The following CROCC2 variants were observed in gnomAD, a reference collection of about 807,000 sequenced individuals.
CROCC2 encodes ciliary rootlet coiled-coil protein 2.
A neutral mutation model predicts 177.6 loss-of-function variants in CROCC2; 163 were observed. The ratio of observed to expected loss-of-function variants is 0.92; its 90% CI spans 0.81 to 1.05. The LOEUF (loss-of-function observed/expected upper bound fraction) is 1.05, where lower values mean the gene tolerates loss of function less well. Ranked by LOEUF, CROCC2 falls within the 50% of genes least tolerant of loss-of-function variation. The pLI is 0.00. For synonymous variants in CROCC2, 904 were observed against 787.3 expected (o/e 1.15, Z -2.48); for missense variants, 1,929 against 1,797.8 (o/e 1.07, Z -1.32).
At chr2:240,941,924 C>T (rs2059497140) in intron 14 of CROCC2, among the ~76,000 whole-genome samples, 1 of 152,198 alleles carries the variant, frequency 6.6e-6, no homozygotes, top group African/African-American at 2.4e-5. Flanking sequence ...CTTGCAGCAT[C>T]ATTTGTGTCT....
At chr2:240,937,129 G>T (rs1025620049) in intron 14 of CROCC2, among the ~76,000 whole-genome samples, 1 of 152,252 alleles carries the variant, frequency 6.6e-6, no homozygotes, top group Admixed American at 6.5e-5. Context: ...GCAGCCAGCA[G>T]TGTAGAAGAG....
rs1334595698 is a variant in CROCC2, at chr2:240,906,352, A to G, written c.-162A>G. 3 of 396,726 alleles carry G rather than the reference A, an allele frequency of 7.6e-6. No homozygotes were observed. The highest frequency in any genetic ancestry group is 1.3e-5 in the Non-Finnish European group (3 of 225,328). 24.6% of individuals were successfully genotyped at this position (396,726 alleles called of 1,614,324 possible). A position where few individuals can be genotyped will look rare whatever the true frequency, so the allele number is the denominator to read the frequency against. ...CAGCTGGCCATACTGTCTTACCCAC[A>G]GGGCAAGAGCAACTGGGTGCCCAGG... On this transcript the variant is annotated 5_prime_UTR_variant, in exon 1 of 32. Coordinates refer to ENST00000690015, the MANE Select transcript of CROCC2 (RefSeq NM_001351305.2).
chr2:240,984,598 CCA>C (rs760104462), intron 28 of CROCC2, among the ~76,000 whole-genome samples: 1 of 24,550 alleles, frequency 4.1e-5, no homozygotes, highest in Non-Finnish European at 6.5e-5. Flanking sequence ...GGCACTCACT[CCA>C]CACACACCCA....
rs568734799 is a variant in CROCC2 at position 240,935,006 on chromosome 2, G to A, written c.1882G>A (p.Ala628Thr). ...EQRDSLAAMA[A>T]LMEGLAQDKS... ...AAGGGACTCCCTGGCCGCAATGGCC[G>A]CCTTGATGGAGGGGTTGGCTCAGGA... Residue 628 changes from alanine (A) to threonine (T), a missense_variant, in exon 13 of 32, where the codon GCC becomes ACC. Ala to Thr is a moderately conservative substitution (Grantham distance 58). Transcript: ENST00000690015. 235 of 1,438,088 alleles carry A rather than the reference G, an allele frequency of 1.6e-4. No homozygotes were observed. The highest frequency in any genetic ancestry group is 7.4e-4 in the Middle Eastern group (4 of 5,432). 89.1% of individuals were successfully genotyped at this position (1,438,088 alleles called of 1,614,324 possible).
At chr2:240,961,359 T>G (rs2059632073) in intron 20 of CROCC2, among the ~76,000 whole-genome samples, 1 of 148,740 alleles carries the variant, frequency 6.7e-6, no homozygotes, top group Admixed American at 6.6e-5. Context: ...ACACTCACGC[T>G]GGAATCACAT....
chr2:240,945,709 G>A (rs954064641), intron 14 of CROCC2, among the ~76,000 whole-genome samples: 1 of 152,004 alleles, frequency 6.6e-6, no homozygotes, highest in African/African-American at 2.4e-5. Context: ...GTGTTGGTCT[G>A]CAGCAATCTA....
chr2:240,993,265 T>G lies in CROCC2; in HGVS notation c.*184T>G, dbSNP rs1413224536. The G allele has an allele frequency of 1.8e-6, 1 of 543,470 alleles. No individual in the cohort carries two copies. 33.7% of individuals were successfully genotyped at this position (543,470 alleles called of 1,614,324 possible). A position where few individuals can be genotyped will look rare whatever the true frequency, so the allele number is the denominator to read the frequency against. On this transcript the variant is annotated 3_prime_UTR_variant, in exon 32 of 32. Transcript: ENST00000690015. ...TCATGGGGAACATTTGAAATGCATG[T>G]GGGGGCCTCCGAATTTTGAATTTTA... is the stretch of plus-strand genomic sequence containing the variant.
intron 18 of CROCC2, among the ~76,000 whole-genome samples, chr2:240,952,315 CAAA>C (rs71049540): frequency 2.6e-5 from 3 of 113,508 alleles, no homozygotes; most frequent in Non-Finnish European, 1.8e-5. Context: ...TACTCCTTCT[CAAA>C]AAAAAAAAAA....
intron 13 of CROCC2, 21 bp from the exon 14 acceptor site, chr2:240,935,337 G>T: frequency 7.4e-7 from 1 of 1,352,924 alleles, no homozygotes; most frequent in Non-Finnish European, 9.6e-7. Flanking sequence ...TGGATGCAGA[G>T]CCCCCGACAC....
chr2:240,974,436 G>A (rs902802965), intron 27 of CROCC2, among the ~76,000 whole-genome samples: 2 of 150,764 alleles, frequency 1.3e-5, no homozygotes, highest in African/African-American at 4.9e-5. Context: ...CTACCTCCTG[G>A]GCTCAAGCGA....
At chr2:240,930,475 A>G (rs2059421622) in intron 6 of CROCC2, among the ~76,000 whole-genome samples, 1 of 152,034 alleles carries the variant, frequency 6.6e-6, no homozygotes, top group African/African-American at 2.4e-5. Context: ...AGTAGGGGAG[A>G]AGGACAAACA....
chr2:240,914,691 G>A (rs1414990987), intron 1 of CROCC2, among the ~76,000 whole-genome samples: 1 of 152,190 alleles, frequency 6.6e-6, no homozygotes, highest in Non-Finnish European at 1.5e-5. Flanking sequence ...CAGGCTGACC[G>A]AGGAGCCTGC....
At position 240,933,314 on chromosome 2, in the gene CROCC2, T is replaced by C; in HGVS notation, c.1435T>C (p.Cys479Arg). 1 of 1,535,728 alleles carries C rather than the reference T, an allele frequency of 6.5e-7. No individual in the cohort carries two copies. Among genetic ancestry groups the C allele is most frequent in the Non-Finnish European group, 8.8e-7 (1 of 1,142,422 alleles). ...GGCCCAGAGGCTCGAGGTGCAGCAG[T>C]GCCGGGCATCCTGCAAGCTCCTGGG... ...LEAQRLEVQQ[C>R]RASCKLLGRE... The change falls in exon 10 of 32, where the codon TGC becomes CGC. Residue 479 changes from cysteine (C) to arginine (R), a missense_variant. Physicochemically the swap from Cys to Arg is radical, Grantham distance 180. Coordinates refer to ENST00000690015, the MANE Select transcript of CROCC2 (RefSeq NM_001351305.2).
At position 240,958,732 on chromosome 2, in the gene CROCC2, C is replaced by T. The variant is rs553250652; in HGVS notation, c.2944-569C>T. 6 of 321,946 alleles carry T rather than the reference C, an allele frequency of 1.9e-5. No homozygotes were observed. The highest frequency in any genetic ancestry group is 1.2e-4 in the South Asian group (1 of 8,322). 19.9% of individuals were successfully genotyped at this position (321,946 alleles called of 1,614,324 possible). On this transcript the variant is annotated intron_variant, in intron 19 of 31. Transcript: ENST00000690015. This position sits in a 1 kb window ranked among gnomAD's most constrained non-coding sequence, Gnocchi z 6.7. ...CCCTGAGCCCCATCTGCCCTGCTGC[C>T]GCAACCTGGGCAGGGGTGCAGTGGG...
chr2:240,909,690 C>T (rs1170298804), intron 1 of CROCC2, among the ~76,000 whole-genome samples: 1 of 152,230 alleles, frequency 6.6e-6, no homozygotes, highest in Non-Finnish European at 1.5e-5. Flanking sequence ...CCACTGTCCC[C>T]AGGAAACTCA....
Position 240,966,264 on chromosome 2 carries a change from C to T in CROCC2, c.4001C>T (p.Thr1334Ile). The change falls in exon 25 of 32, where the codon ACC becomes ATC. Residue 1334 changes from threonine to isoleucine, a missense_variant. Thr to Ile is a moderately conservative substitution (Grantham distance 89). Around this residue, in one of 3 missense-constraint regions of CROCC2, gnomAD observed 388 missense variants for 352.7 expected, o/e 1.10. Coordinates refer to ENST00000690015, the MANE Select transcript of CROCC2 (RefSeq NM_001351305.2). ...SSQALPGQQGTSPPARPHSPL... is the reference protein window; with the variant it reads ...SSQALPGQQGISPPARPHSPL... The stretch of plus-strand genomic sequence containing the variant: ...CAGGCTCTCCCTGGGCAACAGGGTA[C>T]CAGCCCCCCAGCCAGGCCCCACTCG... The T allele has an allele frequency of 1.8e-6, 1 of 569,694 alleles. No individual in the cohort carries two copies. Among genetic ancestry groups the T allele is most frequent in the Non-Finnish European group, 2.6e-6 (1 of 380,288 alleles). The allele number at this position is 569,694 out of a possible 1,614,324, so 35.3% of individuals were successfully genotyped here. A position where few individuals can be genotyped will look rare whatever the true frequency, so the allele number is the denominator to read the frequency against.
At position 240,932,828 on chromosome 2, in the gene CROCC2, C is replaced by G; in HGVS notation, c.1171C>G (p.His391Asp). 6.5e-7 allele frequency: 1 copy of G among 1,543,170 alleles called. No individual in the cohort carries two copies. The highest frequency in any genetic ancestry group is 1.2e-5 in the South Asian group (1 of 83,108). Residue 391 changes from histidine (H) to aspartate (D), a missense_variant, in exon 9 of 32, where the codon CAC becomes GAC. Around this residue, in one of 3 missense-constraint regions of CROCC2, gnomAD observed 1,397 missense variants for 1,239.9 expected, o/e 1.13. Transcript: ENST00000690015. Reference protein sequence around the residue: ...TSPHQGASPPHICSPATLDPA... With the variant: ...TSPHQGASPPDICSPATLDPA... The stretch of plus-strand genomic sequence containing the variant: ...CCCCCATCAAGGGGCGTCCCCACCA[C>G]ACATCTGCTCCCCAGCCACCCTGGA...
Position 240,963,548 on chromosome 2 carries a change from C to T in CROCC2, c.3088-8C>T, listed in dbSNP as rs1439545307. On this transcript the variant is annotated splice_polypyrimidine_tract_variant and splice_region_variant and intron_variant, in intron 20 of 31. Transcript: ENST00000690015. ...AGCGGGCCTCTAGAGCTGAATGGTC[C>T]TCCCCAGGCTGAGAGGCTGCGGGCA... is the stretch of plus-strand genomic sequence containing the variant. 1 of 1,532,558 alleles carries T rather than the reference C, an allele frequency of 6.5e-7. No individual in the cohort carries two copies. The highest frequency in any genetic ancestry group is 8.8e-7 in the Non-Finnish European group (1 of 1,136,612). The allele number at this position is 1,532,558 out of a possible 1,614,324, so 94.9% of individuals were successfully genotyped here. A position where few individuals can be genotyped will look rare whatever the true frequency, so the allele number is the denominator to read the frequency against.
chr2:240,949,024 G>T lies in CROCC2; in HGVS notation c.2409G>T (p.Gln803His), dbSNP rs766550183. 17 of 1,549,966 alleles carry T rather than the reference G, an allele frequency of 1.1e-5. No individual in the cohort carries two copies. Among genetic ancestry groups the T allele is most frequent in the Non-Finnish European group, 8.7e-7 (1 of 1,146,902 alleles). The change falls in exon 16 of 32, where the codon CAG becomes CAT. Residue 803 changes from glutamine (Q) to histidine (H), a missense_variant. This residue lies in a region of CROCC2 where 1,397 missense variants were observed against 1,239.9 expected (regional missense o/e 1.13). Coordinates refer to ENST00000690015, the MANE Select transcript of CROCC2 (RefSeq NM_001351305.2). The surrounding 1 kb of genome is among the most constrained non-coding windows in gnomAD (Gnocchi z 4.5). ...SLESSLLEAQQLATKLQEQLE... is the reference protein window; with the variant it reads ...SLESSLLEAQHLATKLQEQLE... ...AGAGCAGCCTCCTTGAGGCCCAACA[G>T]CTGGCCACAAAGCTGCAGGAGCAGC...
Sources: allele counts gnomAD v4.1 joint callset (sites outside exome capture counted in the v4.1 genomes callset), GRCh38; gene constraint gnomAD v4.1.1; regional missense constraint gnomAD v4.1.1; non-coding constraint Gnocchi (gnomAD v3.1); transcripts MANE v1.5; gene names NCBI Gene and HGNC (gene_info 2026-07-23, HGNC 2026-07-21).